The following PTPRT variants were observed in gnomAD, a reference collection of about 807,000 sequenced individuals.
PTPRT encodes the protein receptor-type tyrosine-protein phosphatase T.
Under a neutral mutation model 176.8 loss-of-function variants are expected in PTPRT, and 56 were observed. The observed-to-expected ratio is 0.32, with a 90% confidence interval of 0.26 to 0.40. The LOEUF (loss-of-function observed/expected upper bound fraction) is 0.40, where lower values mean the gene tolerates loss of function less well. Ranked by LOEUF, PTPRT falls within the 10% of genes least tolerant of loss-of-function variation. The pLI, the probability that PTPRT is intolerant of heterozygous loss-of-function variation, is 1.00. For missense variants in PTPRT, 1,540 were observed against 1,908.2 expected (o/e 0.81, Z 3.60); for synonymous variants, 783 against 739.0 (o/e 1.06, Z -0.96).
intron 7 of PTPRT, among the ~76,000 whole-genome samples, chr20:42,506,944 A>G (rs944131223): frequency 6.6e-6 from 1 of 152,036 alleles, no homozygotes; most frequent in Non-Finnish European, 1.5e-5. Flanking sequence ...ATCTGACCAC[A>G]TCTTATTAAT....
intron 2 of PTPRT, among the ~76,000 whole-genome samples, chr20:42,848,497 T>C (rs2078414823): frequency 6.6e-6 from 1 of 152,236 alleles, no homozygotes. Context: ...TTTTTTGATT[T>C]TCTGATTATG....
At chr20:42,102,069 A>G in intron 26 of PTPRT, 55 bp downstream of exon 26, 4 of 1,581,536 alleles carry the variant, frequency 2.5e-6, no homozygotes, top group Non-Finnish European at 3.5e-6. Flanking sequence ...CCACCTCAGG[A>G]AGAATATTTG....
chr20:42,339,901 T>C (rs935088671), intron 11 of PTPRT, among the ~76,000 whole-genome samples: 3 of 152,194 alleles, frequency 2.0e-5, no homozygotes, highest in Non-Finnish European at 4.4e-5. Context: ...TCAGGACCTA[T>C]ACCTCTGTCT....
At chr20:42,866,695 T>C (rs1405488297) in intron 2 of PTPRT, among the ~76,000 whole-genome samples, 1 of 152,194 alleles carries the variant, frequency 6.6e-6, no homozygotes, top group Non-Finnish European at 1.5e-5. Context: ...TCATCACATC[T>C]CATCCTATGC....
At chr20:42,944,829 G>A (rs1485682922) in intron 1 of PTPRT, among the ~76,000 whole-genome samples, 1 of 152,120 alleles carries the variant, frequency 6.6e-6, no homozygotes, top group Non-Finnish European at 1.5e-5. Flanking sequence ...GCAAATATGT[G>A]TCTGTGATAT....
intron 7 of PTPRT, among the ~76,000 whole-genome samples, chr20:42,659,576 G>A (rs2145995930): frequency 6.6e-6 from 1 of 152,308 alleles, no homozygotes; most frequent in African/African-American, 2.4e-5. Context: ...GCCTGTGGGA[G>A]GTCTTTAGAT....
intron 13 of PTPRT, chr20:42,270,293 T>A (rs905813924): frequency 5.3e-6 from 4 of 756,742 alleles, no homozygotes; most frequent in Admixed American, 3.4e-5. Flanking sequence ...GGTGGGTGGG[T>A]GGGGTGGAAA....
intron 2 of PTPRT, among the ~76,000 whole-genome samples, chr20:42,829,893 A>G (rs991034001): frequency 4.6e-5 from 7 of 152,160 alleles, no homozygotes; most frequent in Non-Finnish European, 1.0e-4. Flanking sequence ...CAAAGACTGA[A>G]CCAGGAAGAA....
At chr20:43,160,302 A>C (rs1347300589) in intron 1 of PTPRT, among the ~76,000 whole-genome samples, 1 of 152,236 alleles carries the variant, frequency 6.6e-6, no homozygotes, top group Admixed American at 6.5e-5. Context: ...GCTGAGACGG[A>C]CCAGGCTTGG....
intron 1 of PTPRT, among the ~76,000 whole-genome samples, chr20:43,128,984 G>C (rs2013551066): frequency 6.6e-6 from 1 of 152,200 alleles, no homozygotes; most frequent in Admixed American, 6.5e-5. Context: ...GCATGCGTGT[G>C]TATATATGTT....
chr20:42,784,167 A>G (rs2077255811), intron 3 of PTPRT, among the ~76,000 whole-genome samples: 1 of 152,176 alleles, frequency 6.6e-6, no homozygotes, highest in Admixed American at 6.5e-5. Context: ...CCAGGAAGCA[A>G]TTCCCCACAA....
intron 1 of PTPRT, among the ~76,000 whole-genome samples, chr20:43,124,154 AT>A (rs1012722571): frequency 3.9e-5 from 6 of 152,254 alleles, no homozygotes; most frequent in Admixed American, 1.3e-4. Context: ...GTCATTCTTT[AT>A]TTTCCAAATG....
chr20:42,329,133 G>A (rs1486325748), intron 11 of PTPRT, among the ~76,000 whole-genome samples: 1 of 152,120 alleles, frequency 6.6e-6, no homozygotes. Flanking sequence ...CAATGCCTAC[G>A]TCCTGAGAAA....
intron 8 of PTPRT, among the ~76,000 whole-genome samples, chr20:42,465,740 G>A (rs1273124072): frequency 6.6e-5 from 10 of 152,132 alleles, no homozygotes; most frequent in Middle Eastern, 3.2e-3. Flanking sequence ...TGGAATATAC[G>A]TTTTAATGTA....
chr20:42,415,370 GT>G (rs1048427258), intron 9 of PTPRT, among the ~76,000 whole-genome samples: 1 of 151,656 alleles, frequency 6.6e-6, no homozygotes, highest in Admixed American at 6.6e-5. Flanking sequence ...TTTTTTGTTT[GT>G]TTGTTTGTTT....
At chr20:42,950,780 A>C (rs576618317) in intron 1 of PTPRT, among the ~76,000 whole-genome samples, 4 of 152,236 alleles carry the variant, frequency 2.6e-5, no homozygotes, top group Non-Finnish European at 5.9e-5. Flanking sequence ...CCAAAGTGCA[A>C]GTGGCTTTCT....
chr20:42,865,219 G>C (rs1222946241), intron 2 of PTPRT, among the ~76,000 whole-genome samples: 1 of 152,138 alleles, frequency 6.6e-6, no homozygotes, highest in Admixed American at 6.5e-5. Flanking sequence ...CCTAATCAGG[G>C]CTCTTCCTTG....
At chr20:42,275,566 G>A (rs2057015027) in intron 13 of PTPRT, among the ~76,000 whole-genome samples, 3 of 152,296 alleles carry the variant, frequency 2.0e-5, no homozygotes, top group South Asian at 2.1e-4. Flanking sequence ...GGGTATGGAA[G>A]TGGGGTATGG....
chr20:42,793,551 A>T (rs2070321843), intron 2 of PTPRT, among the ~76,000 whole-genome samples: 2 of 152,172 alleles, frequency 1.3e-5, no homozygotes, highest in African/African-American at 2.4e-5. Context: ...GAGCCACTGG[A>T]AGTGGAACAA....
Sources: allele counts gnomAD v4.1 joint callset (sites outside exome capture counted in the v4.1 genomes callset), GRCh38; gene constraint gnomAD v4.1.1; transcripts MANE v1.5; gene names NCBI Gene and HGNC (gene_info 2026-07-23, HGNC 2026-07-21).